Variants in SLC5A10 observed in about 807,000 individuals in gnomAD.
The protein encoded by SLC5A10 is sodium/mannose cotransporter SLC5A10.
Under a neutral mutation model 68.9 loss-of-function variants are expected in SLC5A10, and 55 were observed. The ratio of observed to expected loss-of-function variants is 0.80; its 90% CI spans 0.64 to 1.00. The LOEUF is 1.00. Among genes scored for constraint, SLC5A10 ranks in the 50% least tolerant of loss-of-function variants. The probability of loss-of-function intolerance (pLI) is 0.00; values close to 1 mark genes in which losing one functional copy is unlikely to be tolerated. For synonymous variants in SLC5A10, 344 were observed against 344.8 expected, an observed-to-expected ratio of 1.00 and a Z score of 0.02; for missense variants, 732 against 819.3, an observed-to-expected ratio of 0.89 and a Z score of 1.30.
intron 1 of SLC5A10, among the ~76,000 whole-genome samples, chr17:18,955,109 A>G (rs1261653168): frequency 7.4e-6 from 1 of 134,686 alleles, no homozygotes; most frequent in Non-Finnish European, 1.6e-5. Flanking sequence ...AAAAAAAAAA[A>G]AGAATTCAGG....
At chr17:18,993,964 T>TC (rs2043498284) in intron 9 of SLC5A10, among the ~76,000 whole-genome samples, 1 of 152,156 alleles carries the variant, frequency 6.6e-6, no homozygotes, top group African/African-American at 2.4e-5. Flanking sequence ...CTCCTCGTCC[T>TC]CCCACCAACC....
intron 9 of SLC5A10, 73 bp downstream of exon 9, chr17:18,977,062 C>T (rs1330594592): frequency 6.3e-7 from 1 of 1,583,416 alleles, no homozygotes; most frequent in Non-Finnish European, 8.6e-7. Context: ...CTGCAAACGT[C>T]ACCAGAAGAA....
In SLC5A10 at chr17:19,017,289, G is replaced by A. The variant is rs1289705870; in HGVS notation, c.1241+2090G>A. ...ACTTCCCGTCCCTCTTACAGCACTG[G>A]GATACCCTCAACACCCCCAGCCCCT... On this transcript the variant is annotated intron_variant, in intron 11 of 14. Coordinates refer to ENST00000395645, the MANE Select transcript of SLC5A10 (RefSeq NM_001042450.4). The surrounding 1 kb of genome is among the most constrained non-coding windows in gnomAD (Gnocchi z 5.6). 1 of 1,551,906 alleles carries A rather than the reference G, an allele frequency of 6.4e-7. No individual in the cohort carries two copies. The highest frequency in any genetic ancestry group is 8.7e-7 in the Non-Finnish European group (1 of 1,146,952).
chr17:18,995,458 T>A (rs530072997), intron 9 of SLC5A10, among the ~76,000 whole-genome samples: 1 of 152,274 alleles, frequency 6.6e-6, no homozygotes, highest in South Asian at 2.1e-4. Context: ...TGAAAGAACA[T>A]GAACACAGCA....
Position 19,015,121 on chromosome 17 carries a change from G to A in SLC5A10, c.1163G>A (p.Ser388Asn). ...TCGCTGACCTCCATCTTCAACAGCA[G>A]CAGCACCCTCTTCACTATGGACATC... is the stretch of plus-strand genomic sequence containing the variant. ...MSSLTSIFNS[S>N]STLFTMDIWR... is the part of the protein sequence containing the mutation. The change falls in exon 11 of 15, where the codon AGC (serine) becomes AAC (asparagine). Residue 388 changes from serine to asparagine, a missense_variant. Transcript: ENST00000395645. 1 of 1,612,482 alleles carries A rather than the reference G, an allele frequency of 6.2e-7. No homozygotes were observed. The highest frequency in any genetic ancestry group is 8.5e-7 in the Non-Finnish European group (1 of 1,179,290).
rs2043840989 is a variant in SLC5A10 at position 19,004,911 on chromosome 17, C to G, written c.983-8499C>G. The G allele has an allele frequency of 6.6e-6, 1 of 152,224 alleles. No homozygotes were observed. Among genetic ancestry groups the G allele is most frequent in the Non-Finnish European group, 1.5e-5 (1 of 68,074 alleles). 9.4% of individuals were successfully genotyped at this position (152,224 alleles called of 1,614,324 possible). A position where few individuals can be genotyped will look rare whatever the true frequency, so the allele number is the denominator to read the frequency against. Reference sequence around the variant, plus strand: ...CTGGGGCGGACGCACTGCCCACGGTCCCCTGGTGCCCGAATTCCGAAAATA... The same window carrying G: ...CTGGGGCGGACGCACTGCCCACGGTGCCCTGGTGCCCGAATTCCGAAAATA... On this transcript the variant is annotated intron_variant, in intron 9 of 14. Coordinates refer to ENST00000395645, the MANE Select transcript of SLC5A10 (RefSeq NM_001042450.4). The surrounding 1 kb of genome is among the most constrained non-coding windows in gnomAD (Gnocchi z 5.4).
chr17:18,974,632 C>T (rs1372480670), intron 8 of SLC5A10, among the ~76,000 whole-genome samples: 1 of 152,258 alleles, frequency 6.6e-6, no homozygotes, highest in East Asian at 1.9e-4. Context: ...GTGCTGACTC[C>T]AATGGCCACA....
chr17:18,967,303 G>C (rs891916103), intron 5 of SLC5A10, among the ~76,000 whole-genome samples: 1 of 152,112 alleles, frequency 6.6e-6, no homozygotes, highest in African/African-American at 2.4e-5. Context: ...CTGCACCTGC[G>C]GGACTTCTAT....
At chr17:19,012,870 G>A (rs541446382) in intron 9 of SLC5A10, among the ~76,000 whole-genome samples, 11 of 152,200 alleles carry the variant, frequency 7.2e-5, no homozygotes, top group Admixed American at 1.3e-4. Context: ...GGCAGGCCTC[G>A]CCAGCCCCTG....
In SLC5A10 at chr17:19,021,040, T is replaced by C. The variant is rs2044257141; in HGVS notation, c.*609T>C. 1 of 152,816 alleles carries C rather than the reference T, an allele frequency of 6.5e-6. No individual in the cohort carries two copies. Among genetic ancestry groups the C allele is most frequent in the Non-Finnish European group, 1.5e-5 (1 of 68,544 alleles). The allele number at this position is 152,816 out of a possible 1,614,324, so 9.5% of individuals were successfully genotyped here. A position where few individuals can be genotyped will look rare whatever the true frequency, so the allele number is the denominator to read the frequency against. ...TGCTCATATCCCTGATCATGGCACA[T>C]TCTCTGGAGGACCCTCCTGTTCTCG... On this transcript the variant is annotated 3_prime_UTR_variant, in exon 15 of 15. Coordinates refer to ENST00000395645, the MANE Select transcript of SLC5A10 (RefSeq NM_001042450.4). This position sits in a 1 kb window ranked among gnomAD's most constrained non-coding sequence, Gnocchi z 4.1.
At chr17:18,980,178 C>T (rs149070307) in intron 9 of SLC5A10, among the ~76,000 whole-genome samples, 8 of 152,238 alleles carry the variant, frequency 5.3e-5, no homozygotes, top group South Asian at 2.1e-4. Context: ...CTCCAGGGTG[C>T]GTGGCCCTAC....
At chr17:18,951,931 C>T (rs539984926), upstream of SLC5A10, 5 of 442,748 alleles carry the variant, frequency 1.1e-5, no homozygotes, top group African/African-American at 2.0e-5. Flanking sequence ...TCCCCAAGCC[C>T]CCTCCGAGTT....
chr17:19,006,409 T>TC (rs200381866), intron 9 of SLC5A10, among the ~76,000 whole-genome samples: 2 of 145,702 alleles, frequency 1.4e-5, no homozygotes, highest in East Asian at 3.9e-4. Flanking sequence ...TTTTCTTTTT[T>TC]TTTTTTTTTT....
At chr17:19,020,030 C>T in intron 13 of SLC5A10, 102 bp downstream of exon 13, 2 of 1,428,898 alleles carry the variant, frequency 1.4e-6, no homozygotes, top group Non-Finnish European at 1.9e-6. Flanking sequence ...TAGCCCTGGA[C>T]TACCTAGCCC....
At position 18,968,979 on chromosome 17, in the gene SLC5A10, C is replaced by T; in HGVS notation, c.454-73C>T. ...ACCGAGGCCCAGAGAGGGCCTTGCC[C>T]GAGGTCACCCAGGGAGTGGCTTGCT... On this transcript the variant is annotated intron_variant, in intron 5 of 14. Coordinates refer to ENST00000395645, the MANE Select transcript of SLC5A10 (RefSeq NM_001042450.4). This position sits in a 1 kb window ranked among gnomAD's most constrained non-coding sequence, Gnocchi z 4.1. 5.4e-6 allele frequency: 8 copies of T among 1,481,628 alleles called. No homozygotes were observed. Among genetic ancestry groups the T allele is most frequent in the South Asian group, 1.3e-5 (1 of 77,168 alleles). The allele number at this position is 1,481,628 out of a possible 1,614,324, so 91.8% of individuals were successfully genotyped here.
intron 9 of SLC5A10, among the ~76,000 whole-genome samples, chr17:19,010,354 G>A (rs1432514540): frequency 6.6e-6 from 1 of 152,078 alleles, no homozygotes; most frequent in Non-Finnish European, 1.5e-5. Context: ...TGCAAAAGTG[G>A]GGCCCAGTGG....
chr17:19,012,000 A>C (rs1398755638), intron 9 of SLC5A10, among the ~76,000 whole-genome samples: 2 of 152,002 alleles, frequency 1.3e-5, no homozygotes, highest in African/African-American at 2.4e-5. Flanking sequence ...GCTGTGTTGC[A>C]ACTCTGCCTG....
intron 9 of SLC5A10, among the ~76,000 whole-genome samples, chr17:18,980,969 C>T (rs928304079): frequency 4.6e-5 from 7 of 152,172 alleles, no homozygotes; most frequent in Admixed American, 1.3e-4. Flanking sequence ...TCGGCTATGA[C>T]GTGTTCTTAG....
intron 9 of SLC5A10, 110 bp downstream of exon 9, chr17:18,977,099 C>G: frequency 6.8e-7 from 1 of 1,472,722 alleles, no homozygotes; most frequent in South Asian, 1.3e-5. Flanking sequence ...GTGAACTGTT[C>G]CCCAACCTGG....
Sources: gnomAD v4.1 joint callset for allele counts (sites outside exome capture counted in the v4.1 genomes callset) on GRCh38, gnomAD v4.1.1 for gene constraint, Gnocchi (gnomAD v3.1) non-coding constraint, MANE v1.5 for transcripts, NCBI Gene and HGNC (gene_info 2026-07-23, HGNC 2026-07-21) for gene names.